The following C16orf74 variants were observed in gnomAD, a reference collection of about 807,000 sequenced individuals.
The protein encoded by C16orf74 is uncharacterized protein C16orf74.
C16orf74 carries 10 observed loss-of-function variants against 6.5 expected under a neutral mutation model. That is an observed-to-expected ratio of 1.54 (90% CI 0.95 to 2.61). The LOEUF (loss-of-function observed/expected upper bound fraction) is 2.61. Among genes scored for constraint, C16orf74 ranks in the 30% most tolerant of loss-of-function variants. The probability of loss-of-function intolerance (pLI) is 0.00; values close to 1 mark genes in which losing one functional copy is unlikely to be tolerated. For synonymous variants in C16orf74, 60 were observed against 42.5 expected, an observed-to-expected ratio of 1.41 and a Z score of -1.60; for missense variants, 141 against 105.9, an observed-to-expected ratio of 1.33 and a Z score of -1.45.
chr16:85,739,244 G>A (rs1225925017), intron 1 of C16orf74, among the ~76,000 whole-genome samples: 1 of 152,182 alleles, frequency 6.6e-6, no homozygotes, highest in Non-Finnish European at 1.5e-5. Flanking sequence ...CCTGGACTGT[G>A]GCTGCTGGTA....
In C16orf74 at chr16:85,751,094, C is replaced by T. The variant is rs1466499692; in HGVS notation, c.-187G>A. 6 of 148,248 alleles carry T rather than the reference C, an allele frequency of 4.0e-5. No homozygotes were observed. In the East Asian group the frequency reaches 1.2e-3, roughly 29 times the overall value. 9.2% of individuals were successfully genotyped at this position (148,248 alleles called of 1,614,324 possible). On this transcript the variant is annotated 5_prime_UTR_variant, in exon 1 of 4. Transcript: ENST00000284245. ...CGGCCGGCGCTCGGGCAGCCGCGCG[C>T]CTCCCGCGGTCCCGCCCCGCTCCTA...
At chr16:85,738,356 A>G in intron 1 of C16orf74, among the ~76,000 whole-genome samples, 1 of 139,748 alleles carries the variant, frequency 7.2e-6, no homozygotes, top group Admixed American at 7.4e-5. Flanking sequence ...ACAGAGTCTC[A>G]CTCTGTTGCC....
intron 2 of C16orf74, among the ~76,000 whole-genome samples, chr16:85,715,647 A>T (rs1056974045): frequency 6.6e-6 from 1 of 152,226 alleles, no homozygotes; most frequent in Non-Finnish European, 1.5e-5. Flanking sequence ...ATGAACGAGC[A>T]TGACTCTGTC....
intron 2 of C16orf74, 165 bp from the exon 3 acceptor site, chr16:85,710,472 G>T (rs118106422): frequency 1.8e-6 from 1 of 570,740 alleles, no homozygotes; most frequent in Non-Finnish European, 2.9e-6. Flanking sequence ...GAAAACCGGC[G>T]TCTCAGGAAT....
At chr16:85,745,929 C>T (rs1394155276) in intron 1 of C16orf74, among the ~76,000 whole-genome samples, 1 of 152,214 alleles carries the variant, frequency 6.6e-6, no homozygotes, top group Non-Finnish European at 1.5e-5. Flanking sequence ...TAAACCCATC[C>T]TGGAGAGGCT....
intron 2 of C16orf74, among the ~76,000 whole-genome samples, chr16:85,713,286 T>G (rs2053988001): frequency 6.6e-6 from 1 of 152,134 alleles, no homozygotes; most frequent in Admixed American, 6.6e-5. Context: ...CCCTGCTTTT[T>G]TTTTGAGACG....
intron 1 of C16orf74, among the ~76,000 whole-genome samples, chr16:85,739,155 G>A (rs11117293): frequency 0.47 from 47,829 of 101,088 alleles, 8,889 homozygotes; most frequent in East Asian, 0.72. Flanking sequence ...CAGCCCTGAC[G>A]TCAGGATCAA....
intron 1 of C16orf74, among the ~76,000 whole-genome samples, chr16:85,736,460 G>A (rs1371330415): frequency 6.6e-6 from 1 of 152,192 alleles, no homozygotes; most frequent in Non-Finnish European, 1.5e-5. Context: ...AGGTGAATGT[G>A]AAGATGGCAG....
chr16:85,715,317 C>A (rs560112773), intron 2 of C16orf74, among the ~76,000 whole-genome samples: 1 of 152,156 alleles, frequency 6.6e-6, no homozygotes, highest in Non-Finnish European at 1.5e-5. Flanking sequence ...CTACTGGGGC[C>A]GAGGCGTGCG....
chr16:85,748,930 T>TA (rs2054403830), intron 1 of C16orf74, among the ~76,000 whole-genome samples: 5 of 18,384 alleles, frequency 2.7e-4, no homozygotes, highest in African/African-American at 2.9e-4. Flanking sequence ...CTTTGATTTT[T>TA]TTTTTTTTTT....
At chr16:85,731,690 CATT>C (rs2054189426) in intron 2 of C16orf74, among the ~76,000 whole-genome samples, 1 of 39,322 alleles carries the variant, frequency 2.5e-5, no homozygotes, top group African/African-American at 4.6e-5. Context: ...TTTGTGATGT[CATT>C]TTTTTTTTTT....
At chr16:85,737,043 G>A (rs1209263574) in intron 1 of C16orf74, among the ~76,000 whole-genome samples, 2 of 150,772 alleles carry the variant, frequency 1.3e-5, no homozygotes, top group Middle Eastern at 3.4e-3. Flanking sequence ...ACTTCATCTC[G>A]AGAAAAAAAA....
intron 1 of C16orf74, among the ~76,000 whole-genome samples, chr16:85,736,115 T>C (rs2054242017): frequency 6.6e-6 from 1 of 151,980 alleles, no homozygotes; most frequent in Non-Finnish European, 1.5e-5. Flanking sequence ...CAACAGTCCG[T>C]GGGAGGAACC....
At chr16:85,750,388 GAGA>G (rs2152068155) in intron 1 of C16orf74, among the ~76,000 whole-genome samples, 2 of 143,044 alleles carry the variant, frequency 1.4e-5, no homozygotes, top group South Asian at 4.2e-4. Context: ...AGCCAGCCAG[GAGA>G]AGGAGCGCGT....
At chr16:85,715,746 A>T (rs922970108) in intron 2 of C16orf74, among the ~76,000 whole-genome samples, 2 of 152,156 alleles carry the variant, frequency 1.3e-5, no homozygotes, top group African/African-American at 4.8e-5. Context: ...AACATCCAGG[A>T]CTGGCTGCGG....
intron 2 of C16orf74, among the ~76,000 whole-genome samples, chr16:85,727,620 C>A (rs922504042): frequency 6.7e-6 from 1 of 150,294 alleles, no homozygotes; most frequent in Admixed American, 6.6e-5. Context: ...GACCAACCTG[C>A]GCAACATGGT....
intron 2 of C16orf74, among the ~76,000 whole-genome samples, chr16:85,734,941 G>A (rs758215768): frequency 2.0e-5 from 3 of 152,150 alleles, no homozygotes; most frequent in African/African-American, 7.2e-5. Flanking sequence ...GGCACCCTGA[G>A]GGGGAAACTG....
chr16:85,743,485 C>G (rs2054333084), intron 1 of C16orf74: 1 of 152,198 alleles, frequency 6.6e-6, no homozygotes, highest in Non-Finnish European at 1.5e-5. Context: ...GCACCCAGGG[C>G]TAGCAAGCTA....
At chr16:85,714,401 ATTAT>A (rs199601898) in intron 2 of C16orf74, among the ~76,000 whole-genome samples, 20,129 of 140,780 alleles carry the variant, frequency 0.14, 1,704 homozygotes, top group Middle Eastern at 0.21. Context: ...TTATTTATTT[ATTAT>A]TTATTTATTT....
Sources: allele counts gnomAD v4.1 joint callset (sites outside exome capture counted in the v4.1 genomes callset), GRCh38; gene constraint gnomAD v4.1.1; transcripts MANE v1.5; gene names NCBI Gene and HGNC (gene_info 2026-07-23, HGNC 2026-07-21).